CTNNA2: variants seen among roughly 807,000 people sequenced by gnomAD.
CTNNA2 encodes catenin alpha 2, also known as catenin alpha-2.
CTNNA2 carries 42 observed loss-of-function variants against 101.0 expected under a neutral mutation model. The ratio of observed to expected loss-of-function variants is 0.42; its 90% confidence interval spans 0.32 to 0.54. CTNNA2 has a LOEUF of 0.54. Ranked by LOEUF, CTNNA2 falls within the 20% of genes least tolerant of loss-of-function variation. CTNNA2 has a pLI of 0.14. For missense variants in CTNNA2, 871 were observed against 1,223.1 expected, an observed-to-expected ratio of 0.71 and a Z score of 4.29; for synonymous variants, 450 against 456.4, an observed-to-expected ratio of 0.99 and a Z score of 0.18.
At chr2:79,855,017 T>C (rs1041597615) in intron 3 of CTNNA2, among the ~76,000 whole-genome samples, 2 of 152,216 alleles carry the variant, frequency 1.3e-5, no homozygotes, top group African/African-American at 4.8e-5. Flanking sequence ...TGATTTGAGG[T>C]TGCCTTTCCT....
intron 7 of CTNNA2, among the ~76,000 whole-genome samples, chr2:80,112,706 C>G (rs1433982276): frequency 1.3e-5 from 2 of 152,156 alleles, no homozygotes; most frequent in Non-Finnish European, 2.9e-5. Flanking sequence ...AAATTTTCAT[C>G]CTTCCCAGCT....
chr2:79,961,739 G>A (rs1182471698), intron 7 of CTNNA2, among the ~76,000 whole-genome samples: 3 of 150,924 alleles, frequency 2.0e-5, no homozygotes, highest in East Asian at 2.0e-4. Context: ...AGAGAATGGC[G>A]TGAACCCGGG....
intron 7 of CTNNA2, among the ~76,000 whole-genome samples, chr2:80,175,208 C>T (rs1705316457): frequency 6.6e-6 from 1 of 152,176 alleles, no homozygotes; most frequent in South Asian, 2.1e-4. Context: ...TCAGATCCCA[C>T]CTCAACCATT....
At chr2:79,923,878 G>A (rs1686844538) in intron 7 of CTNNA2, among the ~76,000 whole-genome samples, 1 of 152,064 alleles carries the variant, frequency 6.6e-6, no homozygotes, top group African/African-American at 2.4e-5. Context: ...AAGTAAATTA[G>A]TGCAGCTATT....
At chr2:80,642,002 A>G (rs542019717) in intron 18 of CTNNA2, among the ~76,000 whole-genome samples, 6 of 152,242 alleles carry the variant, frequency 3.9e-5, no homozygotes, top group African/African-American at 1.4e-4. Context: ...TTTTTTTAAT[A>G]TTTACTCCCA....
chr2:80,368,801 G>GAA (rs1444124676), intron 7 of CTNNA2, among the ~76,000 whole-genome samples: 2 of 146,832 alleles, frequency 1.4e-5, no homozygotes, highest in African/African-American at 5.2e-5. Context: ...GAAAAGAAAA[G>GAA]AAAATGAAAA....
intron 7 of CTNNA2, among the ~76,000 whole-genome samples, chr2:80,276,709 G>C (rs1022857410): frequency 2.6e-5 from 4 of 151,988 alleles, no homozygotes; most frequent in African/African-American, 9.7e-5. Context: ...GGATGTGCCA[G>C]ACTCTTTTTA....
intron 1 of CTNNA2, among the ~76,000 whole-genome samples, chr2:79,626,137 A>C (rs892885569): frequency 1.3e-5 from 2 of 152,198 alleles, no homozygotes; most frequent in African/African-American, 4.8e-5. Context: ...TGCTAACCAG[A>C]AGTTGAATCC....
chr2:80,274,593 G>A lies in CTNNA2; in HGVS notation c.1057-118618G>A, dbSNP rs76048277. ...ATCTTCCTAAAGAACTAATCAAGCC[G>A]TATTATTGTCTAGCTTCTCAATTAG... On this transcript the variant is annotated intron_variant, in intron 7 of 18. Transcript: ENST00000402739. Among the ~76,000 whole-genome samples the A allele has an allele frequency of 8.4e-3, 1,276 of 152,250 alleles. 15 individuals are homozygous for A. Among genetic ancestry groups the A allele is most frequent in the African/African-American group, 0.027 (1,111 of 41,550 alleles).
chr2:79,729,120 T>C (rs1175544971), intron 2 of CTNNA2, among the ~76,000 whole-genome samples: 1 of 152,160 alleles, frequency 6.6e-6, no homozygotes, highest in Non-Finnish European at 1.5e-5. Context: ...AATTTATAGC[T>C]GACAAAAATG....
chr2:79,726,986 G>A (rs1456094775), intron 2 of CTNNA2, among the ~76,000 whole-genome samples: 1 of 152,160 alleles, frequency 6.6e-6, no homozygotes, highest in African/African-American at 2.4e-5. Context: ...TTCACAAACA[G>A]CAAATGAAAA....
intron 2 of CTNNA2, among the ~76,000 whole-genome samples, chr2:79,289,126 A>T (rs1364680816): frequency 2.6e-5 from 4 of 152,170 alleles, no homozygotes; most frequent in African/African-American, 9.7e-5. Flanking sequence ...TTTTCTTCCA[A>T]ATTGGGCCTT....
At chr2:80,105,279 A>G (rs911034909) in intron 7 of CTNNA2, among the ~76,000 whole-genome samples, 2 of 152,174 alleles carry the variant, frequency 1.3e-5, no homozygotes, top group Admixed American at 1.3e-4. Flanking sequence ...CTGTGATACT[A>G]TATGCAGTCC....
intron 2 of CTNNA2, among the ~76,000 whole-genome samples, chr2:79,730,375 A>G (rs1175798775): frequency 2.0e-5 from 3 of 152,124 alleles, no homozygotes; most frequent in African/African-American, 7.2e-5. Context: ...CTAATGAACA[A>G]TAGAAGGATG....
rs532542986 is a variant in CTNNA2 at position 79,393,565 on chromosome 2, G to C, written c.-135+19552G>C. On this transcript the variant is annotated intron_variant, in intron 4 of 21. Coordinates refer to the CTNNA2 transcript ENST00000466387. The stretch of plus-strand genomic sequence containing the variant: ...TTTGCCAGCCACTCATCTAGAGTAA[G>C]CTCCTCCAGACATATAAAATATGCA... 2.9e-4 allele frequency among the ~76,000 whole-genome samples: 42 copies of C among 145,800 alleles called. No homozygotes were observed. The Admixed American group carries it at 3.0e-3, about 10-fold the overall frequency.
intron 2 of CTNNA2, among the ~76,000 whole-genome samples, chr2:79,308,252 G>T (rs891760968): frequency 6.6e-6 from 1 of 151,954 alleles, no homozygotes; most frequent in African/African-American, 2.4e-5. Context: ...CATCATGTTG[G>T]CCAGGCTAGT....
intron 4 of CTNNA2, among the ~76,000 whole-genome samples, chr2:79,406,008 A>G (rs1382249362): frequency 6.6e-6 from 1 of 152,088 alleles, no homozygotes; most frequent in Non-Finnish European, 1.5e-5. Flanking sequence ...TGTCATCTTT[A>G]TAAAAGAAGA....
At chr2:80,577,494 G>A (rs1054798320) in intron 13 of CTNNA2, among the ~76,000 whole-genome samples, 13 of 152,238 alleles carry the variant, frequency 8.5e-5, no homozygotes, top group Admixed American at 2.0e-4. Context: ...TGAGTTGGGA[G>A]CCACTGGAGG....
intron 4 of CTNNA2, among the ~76,000 whole-genome samples, chr2:79,471,464 C>T (rs1670997861): frequency 6.6e-6 from 1 of 152,240 alleles, no homozygotes; most frequent in South Asian, 2.1e-4. Context: ...TCATGGCTCC[C>T]TTAATAAGGG....
Sources: allele counts gnomAD v4.1 joint callset (sites outside exome capture counted in the v4.1 genomes callset), GRCh38; gene constraint gnomAD v4.1.1; transcripts MANE v1.5; gene names NCBI Gene and HGNC (gene_info 2026-07-23, HGNC 2026-07-21).